The following AGL variants were observed in gnomAD, a reference collection of about 807,000 sequenced individuals.
AGL encodes glycogen debranching enzyme.
AGL carries 128 observed loss-of-function variants against 199.3 expected under a neutral mutation model. That is an observed-to-expected ratio of 0.64 (90% CI 0.56 to 0.74). AGL has a LOEUF of 0.74. Among genes scored for constraint, AGL ranks in the 30% least tolerant of loss-of-function variants. The pLI, the probability that AGL is intolerant of heterozygous loss-of-function variation, is 0.00. For synonymous variants in AGL, 584 were observed against 594.7 expected (o/e 0.98, Z 0.26); for missense variants, 1,809 against 1,820.8 (o/e 0.99, Z 0.12).
intron 21 of AGL, among the ~76,000 whole-genome samples, chr1:99,890,867 T>C (rs979542843): frequency 7.2e-5 from 11 of 152,142 alleles, no homozygotes; most frequent in Non-Finnish European, 7.4e-5. Flanking sequence ...TTACTTTTCT[T>C]TCTTGAGATG....
intron 25 of AGL, 148 bp from the exon 26 acceptor site, chr1:99,900,488 A>G (rs1190239541): frequency 5.7e-5 from 42 of 735,248 alleles, no homozygotes; most frequent in Middle Eastern, 3.8e-4. Flanking sequence ...ACTCTATCAT[A>G]CTATGACTAC....
intron 29 of AGL, 101 bp downstream of exon 29, chr1:99,912,618 C>G (rs1654830508): frequency 2.3e-6 from 2 of 859,716 alleles, no homozygotes; most frequent in Non-Finnish European, 1.8e-6. Flanking sequence ...ATCGGAAAAC[C>G]CTTAAAATTA....
chr1:99,850,629 G>A (rs1648874451), intron 1 of AGL: 1 of 208,350 alleles, frequency 4.8e-6, no homozygotes, highest in Admixed American at 5.3e-5. Flanking sequence ...GTAAGCAGAA[G>A]TGCCATTCGG....
rs554066802 is a variant in AGL at position 99,876,322 on chromosome 1, G to A, written c.1284-136G>A. ...ATGAAGATTTTTGACCTATATTGAA[G>A]TTTTTTTCCTATAAATAGCATCAAA... is the stretch of plus-strand genomic sequence containing the variant. On this transcript the variant is annotated intron_variant, in intron 10 of 33. Coordinates refer to ENST00000361915, the MANE Select transcript of AGL (RefSeq NM_000642.3). 47 of 711,032 alleles carry A rather than the reference G, an allele frequency of 6.6e-5. No homozygotes were observed. In the South Asian group the frequency reaches 9.8e-4, roughly 15 times the overall value. The allele number at this position is 711,032 out of a possible 1,614,324, so 44.0% of individuals were successfully genotyped here.
chr1:99,876,652 C>T (rs1026430977), intron 11 of AGL, 55 bp downstream of exon 11: 114 of 1,593,440 alleles, frequency 7.2e-5, no homozygotes, highest in Non-Finnish European at 9.4e-5. Context: ...ATGGCAAGGT[C>T]AAAATAAAAT....
At chr1:99,918,043 G>A (rs542088771) in intron 33 of AGL, among the ~76,000 whole-genome samples, 14 of 152,018 alleles carry the variant, frequency 9.2e-5, no homozygotes, top group Non-Finnish European at 1.5e-4. Flanking sequence ...CCTTCTACCC[G>A]AAGGACTTTC....
intron 25 of AGL, among the ~76,000 whole-genome samples, chr1:99,896,872 A>G (rs1653368166): frequency 6.6e-6 from 1 of 152,064 alleles, no homozygotes; most frequent in South Asian, 2.1e-4. Flanking sequence ...GTGCAGCGGC[A>G]CAGTCTCGGC....
Position 99,912,512 on chromosome 1 carries a change from G to T in AGL, c.3944G>T (p.Arg1315Ile). ...CCTTATCATGAAGTCACAGTAAAAA[G>T]ACATGGTAAGCTGGTTATTTTATTT... is the stretch of plus-strand genomic sequence containing the variant. ...IFPYHEVTVK[R>I]HGKAIKVSYD... Residue 1315 changes from arginine to isoleucine, a missense_variant, in exon 29 of 34, where the codon AGA becomes ATA. Transcript: ENST00000361915. 1 of 1,604,350 alleles carries T rather than the reference G, an allele frequency of 6.2e-7. No homozygotes were observed. Among genetic ancestry groups the T allele is most frequent in the Non-Finnish European group, 8.5e-7 (1 of 1,171,456 alleles).
Position 99,891,208 on chromosome 1 carries a change from C to T in AGL, c.2813-12C>T. 1 of 1,613,372 alleles carries T rather than the reference C, an allele frequency of 6.2e-7. No homozygotes were observed. Among genetic ancestry groups the T allele is most frequent in the South Asian group, 1.1e-5 (1 of 91,066 alleles). ...ACCAATAATACAGCATGACATGTCT[C>T]TGAATTTTCAGGTTTAATGTCTGTA... On this transcript the variant is annotated splice_polypyrimidine_tract_variant and intron_variant, in intron 21 of 33. Coordinates refer to ENST00000361915, the MANE Select transcript of AGL (RefSeq NM_000642.3).
chr1:99,921,356 G>C (rs1041699677), intron 33 of AGL, among the ~76,000 whole-genome samples, 178 bp from the exon 34 acceptor site: 1 of 152,140 alleles, frequency 6.6e-6, no homozygotes, highest in Non-Finnish European at 1.5e-5. Flanking sequence ...AAGATGGAAT[G>C]TCAAAGAATA....
intron 27 of AGL, among the ~76,000 whole-genome samples, chr1:99,905,090 C>T (rs958373588): frequency 7.9e-5 from 12 of 152,094 alleles, no homozygotes; most frequent in Admixed American, 2.0e-4. Flanking sequence ...AATAAATTCC[C>T]GCCAGCAAAC....
intron 4 of AGL, 88 bp downstream of exon 4, chr1:99,862,511 G>A: frequency 7.1e-7 from 1 of 1,414,172 alleles, no homozygotes; most frequent in Non-Finnish European, 9.9e-7. Context: ...TTGTGTATTA[G>A]TCCATTCTCT....
At position 99,862,522 on chromosome 1, in the gene AGL, C is replaced by T. The variant is rs147824436; in HGVS notation, c.460+99C>T. 5.7e-5 allele frequency: 75 copies of T among 1,313,518 alleles called. No individual in the cohort carries two copies. The East Asian group carries it at 1.6e-3, about 29-fold the overall frequency. The allele number at this position is 1,313,518 out of a possible 1,614,324, so 81.4% of individuals were successfully genotyped here. A position where few individuals can be genotyped will look rare whatever the true frequency, so the allele number is the denominator to read the frequency against. Reference sequence around the variant, plus strand: ...AGTTTTGTGTATTAGTCCATTCTCTCATTGCAGTAAAGAACTACCTGAGAC... The same window carrying T: ...AGTTTTGTGTATTAGTCCATTCTCTTATTGCAGTAAAGAACTACCTGAGAC... On this transcript the variant is annotated intron_variant, in intron 4 of 33. Coordinates refer to ENST00000361915, the MANE Select transcript of AGL (RefSeq NM_000642.3).
In AGL at chr1:99,870,530, A is replaced by C. The variant is rs1441216143; in HGVS notation, c.795A>C (p.Lys265Asn). ...TCTCCTGTGATGTTGCAGAAGGGAA[A>C]TACAAAGAAAAGGGAATACCTGCTT... ...WRFSCDVAEG[K>N]YKEKGIPALI... Residue 265 changes from lysine to asparagine, a missense_variant, in exon 6 of 34, where the codon AAA becomes AAC. Physicochemically the swap from Lys to Asn is moderately conservative, Grantham distance 94. Coordinates refer to ENST00000361915, the MANE Select transcript of AGL (RefSeq NM_000642.3). The C allele has an allele frequency of 6.2e-7, 1 of 1,614,092 alleles. No homozygotes were observed. The highest frequency in any genetic ancestry group is 8.5e-7 in the Non-Finnish European group (1 of 1,179,968).
chr1:99,867,525 G>A (rs1650621806), intron 5 of AGL, among the ~76,000 whole-genome samples: 1 of 151,882 alleles, frequency 6.6e-6, no homozygotes. Flanking sequence ...TGCCGGCCCT[G>A]TCTTGCAGAA....
intron 21 of AGL, among the ~76,000 whole-genome samples, chr1:99,889,050 T>G (rs1652675018): frequency 6.6e-6 from 1 of 151,542 alleles, no homozygotes; most frequent in Non-Finnish European, 1.5e-5. Context: ...TTACATTGAC[T>G]AGTTTTATAA....
intron 24 of AGL, among the ~76,000 whole-genome samples, chr1:99,894,309 C>T (rs10875275): frequency 0.49 from 74,428 of 151,992 alleles, 18,836 homozygotes; most frequent in East Asian, 0.67. Context: ...CATTTCCATA[C>T]ATAGTGCTAG....
At chr1:99,920,755 A>G (rs1484399292) in intron 33 of AGL, among the ~76,000 whole-genome samples, 2 of 152,224 alleles carry the variant, frequency 1.3e-5, no homozygotes, top group African/African-American at 2.4e-5. Flanking sequence ...TAGTAATGAA[A>G]CAAATATGTT....
intron 7 of AGL, among the ~76,000 whole-genome samples, chr1:99,871,923 C>G (rs1216058489): frequency 6.6e-6 from 1 of 151,474 alleles, no homozygotes; most frequent in Non-Finnish European, 1.5e-5. Context: ...ACTTAAGACT[C>G]TTTGTGAAAA....
Sources: allele counts gnomAD v4.1 joint callset (sites outside exome capture counted in the v4.1 genomes callset), GRCh38; gene constraint gnomAD v4.1.1; transcripts MANE v1.5; gene names NCBI Gene and HGNC (gene_info 2026-07-23, HGNC 2026-07-21).